Variants in FAM135B observed in about 807,000 individuals in gnomAD.
The protein encoded by FAM135B is family with sequence similarity 135 member B.
A neutral mutation model predicts 127.7 loss-of-function variants in FAM135B; 43 were observed. That is an observed-to-expected ratio of 0.34 (90% confidence interval 0.26 to 0.43). The LOEUF is 0.43. FAM135B is among the 20% of genes least tolerant of loss of function. The pLI, the probability that FAM135B is intolerant of heterozygous loss-of-function variation, is 1.00. For missense variants in FAM135B, 1,558 were observed against 1,725.6 expected (o/e 0.90, Z 1.72); for synonymous variants, 670 against 665.1 (o/e 1.01, Z -0.11).
intron 7 of FAM135B, among the ~76,000 whole-genome samples, chr8:138,223,182 C>T (rs544383337): frequency 1.3e-5 from 2 of 152,206 alleles, no homozygotes; most frequent in African/African-American, 4.8e-5. Flanking sequence ...AGGGTTATCA[C>T]GGGGTTAAAC....
chr8:138,161,035 C>T (rs1341310625), intron 12 of FAM135B, among the ~76,000 whole-genome samples: 2 of 152,130 alleles, frequency 1.3e-5, no homozygotes. Context: ...GGTCACTTTG[C>T]TCAACTCTAC....
intron 3 of FAM135B, among the ~76,000 whole-genome samples, chr8:138,289,421 G>A (rs758114235): frequency 6.6e-6 from 1 of 152,226 alleles, no homozygotes; most frequent in Non-Finnish European, 1.5e-5. Flanking sequence ...CATTCACTGA[G>A]CTCTGCTGGG....
rs117123419 is a variant in FAM135B at position 138,375,584 on chromosome 8, C to T, written c.-19-7582G>A. On this transcript the variant is annotated intron_variant, in intron 1 of 19. Coordinates refer to ENST00000395297, the MANE Select transcript of FAM135B (RefSeq NM_015912.4). Reference sequence around the variant, plus strand: ...ACAACAGATGTCAGACCCAGCCCTTCCATAACACGTAAAGTCGAAGCCACC... The same window carrying T: ...ACAACAGATGTCAGACCCAGCCCTTTCATAACACGTAAAGTCGAAGCCACC... Among the ~76,000 whole-genome samples the T allele has an allele frequency of 6.1e-3, 933 of 152,310 alleles. 8 individuals carry two copies. Among genetic ancestry groups the T allele is most frequent in the Non-Finnish European group, 0.01 (700 of 68,020 alleles).
At chr8:138,229,441 C>T (rs538472500) in intron 7 of FAM135B, among the ~76,000 whole-genome samples, 59 of 152,210 alleles carry the variant, frequency 3.9e-4, no homozygotes, top group Admixed American at 3.1e-3. Context: ...TCATCTAGGG[C>T]GCCTTTCCCC....
chr8:138,142,864 T>C (rs1299430273), intron 16 of FAM135B, 148 bp downstream of exon 16: 1 of 584,804 alleles, frequency 1.7e-6, no homozygotes, highest in African/African-American at 1.9e-5. Flanking sequence ...TGGTACTTAC[T>C]TCTGCTTTAA....
chr8:138,361,276 C>T (rs1335924488), intron 2 of FAM135B, among the ~76,000 whole-genome samples: 4 of 152,186 alleles, frequency 2.6e-5, no homozygotes, highest in Non-Finnish European at 1.5e-5. Flanking sequence ...GCTGCTGGTC[C>T]GTGAGCCACC....
intron 1 of FAM135B, among the ~76,000 whole-genome samples, chr8:138,444,823 G>A (rs573824180): frequency 6.6e-6 from 1 of 152,094 alleles, no homozygotes; most frequent in East Asian, 1.9e-4. Flanking sequence ...GAAGGAGATA[G>A]AGACACAAAA....
intron 3 of FAM135B, among the ~76,000 whole-genome samples, chr8:138,294,043 A>G (rs1406208885): frequency 6.6e-6 from 1 of 152,210 alleles, no homozygotes; most frequent in Non-Finnish European, 1.5e-5. Flanking sequence ...TGCTATATCC[A>G]CACCATGGAA....
intron 3 of FAM135B, among the ~76,000 whole-genome samples, chr8:138,292,300 T>C (rs1478305698): frequency 5.9e-5 from 9 of 152,150 alleles, no homozygotes; most frequent in Non-Finnish European, 8.8e-5. Flanking sequence ...TAGCTCATGT[T>C]CGTGGATTAA....
intron 2 of FAM135B, among the ~76,000 whole-genome samples, chr8:138,364,353 C>T (rs1830614179): frequency 6.6e-6 from 1 of 152,104 alleles, no homozygotes; most frequent in East Asian, 1.9e-4. Context: ...TTAACAAGTG[C>T]AAGGTTTTGT....
intron 3 of FAM135B, among the ~76,000 whole-genome samples, chr8:138,294,879 A>T (rs1034783185): frequency 6.6e-6 from 1 of 152,180 alleles, no homozygotes; most frequent in African/African-American, 2.4e-5. Flanking sequence ...ATGACTCTGC[A>T]TCTGCAAGTT....
intron 2 of FAM135B, among the ~76,000 whole-genome samples, chr8:138,326,335 T>C (rs1287112983): frequency 6.6e-6 from 1 of 152,162 alleles, no homozygotes; most frequent in Non-Finnish European, 1.5e-5. Context: ...CATTACAAGA[T>C]GTCAGATACA....
intron 3 of FAM135B, among the ~76,000 whole-genome samples, chr8:138,270,417 C>T (rs887137062): frequency 3.9e-5 from 6 of 152,168 alleles, no homozygotes; most frequent in Non-Finnish European, 1.5e-5. Flanking sequence ...ATGCTCAGGG[C>T]TTCATGGGTA....
intron 7 of FAM135B, among the ~76,000 whole-genome samples, chr8:138,217,784 G>A (rs1335046477): frequency 1.3e-5 from 2 of 152,094 alleles, no homozygotes; most frequent in Admixed American, 6.5e-5. Flanking sequence ...TGCGTGAGGC[G>A]CTGAGGATGT....
chr8:138,243,796 T>C lies in FAM135B; in HGVS notation c.543-728A>G, dbSNP rs796593800. On this transcript the variant is annotated intron_variant, in intron 6 of 19. Transcript: ENST00000395297. This position sits in a 1 kb window ranked among gnomAD's most constrained non-coding sequence, Gnocchi z 7.5. ...TCTTTACCTGTTTGATTTTCATCAA[T>C]TGATATACCAGTAATGTTCACTTAT... 1.2e-4 allele frequency among the ~76,000 whole-genome samples: 18 copies of C among 152,372 alleles called. No homozygotes were observed. The highest frequency in any genetic ancestry group is 3.8e-4 in the African/African-American group (16 of 41,592).
intron 1 of FAM135B, among the ~76,000 whole-genome samples, chr8:138,411,282 C>G (rs1328444347): frequency 1.3e-5 from 2 of 151,816 alleles, no homozygotes; most frequent in Admixed American, 6.6e-5. Flanking sequence ...GTACTGGTAC[C>G]GAAACAGAGA....
intron 7 of FAM135B, among the ~76,000 whole-genome samples, chr8:138,227,714 C>CTTTTTTT (rs761660500): frequency 2.4e-5 from 2 of 81,826 alleles, no homozygotes; most frequent in African/African-American, 4.6e-5. Context: ...TTTTGTCTCT[C>CTTTTTTT]TTTTTTTTTT....
At chr8:138,299,327 A>G (rs16908789) in intron 3 of FAM135B, among the ~76,000 whole-genome samples, 2,396 of 152,186 alleles carry the variant, frequency 0.016, 58 homozygotes, top group African/African-American at 0.053. Flanking sequence ...TTCATCCACT[A>G]TCATGAAAAG....
chr8:138,185,413 T>C (rs958133), intron 9 of FAM135B, among the ~76,000 whole-genome samples: 11,025 of 152,210 alleles, frequency 0.072, 1,025 homozygotes, highest in African/African-American at 0.21. Context: ...CCTCATGGGA[T>C]CTGAGTGTCC....
Sources: allele counts gnomAD v4.1 joint callset (sites outside exome capture counted in the v4.1 genomes callset), GRCh38; gene constraint gnomAD v4.1.1; non-coding constraint Gnocchi (gnomAD v3.1); transcripts MANE v1.5; gene names NCBI Gene and HGNC (gene_info 2026-07-23, HGNC 2026-07-21).